ARHGAP22: variants seen among roughly 807,000 people sequenced by gnomAD.
ARHGAP22 encodes Rho GTPase activating protein 22, also known as rho GTPase-activating protein 22.
Under a neutral mutation model 59.1 loss-of-function variants are expected in ARHGAP22, and 48 were observed. The observed-to-expected ratio is 0.81, with a 90% CI of 0.64 to 1.03. The LOEUF is 1.03. Ranked by LOEUF, ARHGAP22 falls within the 50% of genes least tolerant of loss-of-function variation. The pLI is 0.00. For synonymous variants in ARHGAP22, 445 were observed against 416.4 expected (o/e 1.07, Z -0.84); for missense variants, 1,015 against 958.7 (o/e 1.06, Z -0.78).
chr10:48,441,184 T>G (rs2133457364), downstream of ARHGAP22, among the ~76,000 whole-genome samples: 1 of 152,292 alleles, frequency 6.6e-6, no homozygotes, highest in South Asian at 2.1e-4. Context: ...GAGGTCTGTG[T>G]TGTTTGCTTG....
intron 3 of ARHGAP22, among the ~76,000 whole-genome samples, chr10:48,549,988 T>C (rs2056773914): frequency 6.6e-6 from 1 of 152,180 alleles, no homozygotes; most frequent in Admixed American, 6.5e-5. Flanking sequence ...AAGCTTAACC[T>C]CCTGTTGCTT....
chr10:48,654,931 TTC>T (rs369000523), upstream of ARHGAP22, among the ~76,000 whole-genome samples: 742 of 127,314 alleles, frequency 5.8e-3, 2 homozygotes, highest in Admixed American at 0.015. Context: ...TTCTCTCTGT[TTC>T]TCTCTCTCTT....
intron 3 of ARHGAP22, among the ~76,000 whole-genome samples, chr10:48,495,994 T>A (rs777070791): frequency 3.9e-5 from 6 of 152,092 alleles, no homozygotes; most frequent in Non-Finnish European, 8.8e-5. Context: ...GGATCTCCCA[T>A]CAGTCAAGCC....
At chr10:48,576,108 G>A (rs1298913660) in intron 2 of ARHGAP22, among the ~76,000 whole-genome samples, 1 of 152,220 alleles carries the variant, frequency 6.6e-6, no homozygotes, top group Non-Finnish European at 1.5e-5. Context: ...TGCATTTTGT[G>A]TTCCTGCCTG....
At chr10:48,461,530 A>C (rs2047133375) in intron 4 of ARHGAP22, among the ~76,000 whole-genome samples, 1 of 152,240 alleles carries the variant, frequency 6.6e-6, no homozygotes, top group Non-Finnish European at 1.5e-5. Flanking sequence ...ACACCAAATG[A>C]GGAATAGAGG....
upstream of ARHGAP22, among the ~76,000 whole-genome samples, chr10:48,653,034 A>T (rs564194989): frequency 6.6e-6 from 1 of 152,364 alleles, no homozygotes; most frequent in East Asian, 1.9e-4. Flanking sequence ...AGCATCATTG[A>T]CATAGTGGTC....
At chr10:48,506,198 C>T (rs7087924) in intron 3 of ARHGAP22, among the ~76,000 whole-genome samples, 27 of 152,290 alleles carry the variant, frequency 1.8e-4, no homozygotes, top group African/African-American at 6.3e-4. Context: ...TCAGGCACCG[C>T]TTAGTGACAG....
chr10:48,571,740 T>G (rs932299110), intron 2 of ARHGAP22, among the ~76,000 whole-genome samples: 1 of 152,226 alleles, frequency 6.6e-6, no homozygotes, highest in Non-Finnish European at 1.5e-5. Context: ...CTATATAGCT[T>G]GGTCCAGAGT....
At chr10:48,586,703 A>T (rs967536099) in intron 1 of ARHGAP22, among the ~76,000 whole-genome samples, 2 of 152,224 alleles carry the variant, frequency 1.3e-5, no homozygotes, top group Non-Finnish European at 2.9e-5. Context: ...GTAGGTATAA[A>T]ATGGCACGTA....
intron 1 of ARHGAP22, among the ~76,000 whole-genome samples, chr10:48,587,383 A>G (rs1253602205): frequency 2.0e-5 from 3 of 152,200 alleles, no homozygotes; most frequent in Non-Finnish European, 4.4e-5. Context: ...CCCTTTGATT[A>G]CTGAGTTTTC....
chr10:48,536,580 C>T (rs141495324), intron 3 of ARHGAP22, among the ~76,000 whole-genome samples: 186 of 152,300 alleles, frequency 1.2e-3, no homozygotes, highest in African/African-American at 4.3e-3. Context: ...CTCAATCCAC[C>T]CAACAGACCT....
intron 4 of ARHGAP22, among the ~76,000 whole-genome samples, chr10:48,475,609 T>C (rs541207518): frequency 6.6e-6 from 1 of 152,170 alleles, no homozygotes; most frequent in Non-Finnish European, 1.5e-5. Flanking sequence ...CTCATACACC[T>C]CTCATCCATC....
chr10:48,461,725 G>A (rs934491944), intron 4 of ARHGAP22, among the ~76,000 whole-genome samples: 11 of 152,336 alleles, frequency 7.2e-5, no homozygotes, highest in African/African-American at 2.2e-4. Flanking sequence ...TACAAGGTGC[G>A]TGCCTGACTC....
intron 4 of ARHGAP22, 77 bp from the exon 5 acceptor site, chr10:48,459,968 C>A (rs149649013): frequency 5.6e-6 from 8 of 1,431,726 alleles, no homozygotes; most frequent in East Asian, 2.4e-5. Context: ...GGAGGGCAGG[C>A]GCACTGTTAG....
upstream of ARHGAP22, among the ~76,000 whole-genome samples, chr10:48,607,553 G>T (rs2060723660): frequency 6.6e-6 from 1 of 152,178 alleles, no homozygotes; most frequent in African/African-American, 2.4e-5. Context: ...CTCTGGGGTG[G>T]CCTGTGGGAG....
intron 3 of ARHGAP22, among the ~76,000 whole-genome samples, chr10:48,515,500 T>C (rs940544313): frequency 3.3e-5 from 5 of 152,098 alleles, no homozygotes; most frequent in African/African-American, 1.2e-4. Context: ...ATATCCTACT[T>C]TCAAAAATAA....
chr10:48,459,940 T>G (rs766742427), intron 4 of ARHGAP22, 49 bp from the exon 5 acceptor site: 8 of 1,570,564 alleles, frequency 5.1e-6, no homozygotes, highest in Middle Eastern at 2.2e-4. Context: ...CAGCTCAGTG[T>G]TGGGTGCTCA....
downstream of ARHGAP22, among the ~76,000 whole-genome samples, chr10:48,443,129 T>C (rs964479939): frequency 2.0e-5 from 3 of 152,138 alleles, no homozygotes; most frequent in African/African-American, 4.8e-5. Flanking sequence ...TTTCAGGACT[T>C]CTCAAAGACC....
intron 2 of ARHGAP22, among the ~76,000 whole-genome samples, chr10:48,561,348 A>C (rs1421190009): frequency 6.6e-6 from 1 of 152,154 alleles, no homozygotes; most frequent in Non-Finnish European, 1.5e-5. Flanking sequence ...CATATATAAA[A>C]ATATACTCAA....
Sources: gnomAD v4.1 joint callset for allele counts (sites outside exome capture counted in the v4.1 genomes callset) on GRCh38, gnomAD v4.1.1 for gene constraint, MANE v1.5 for transcripts, NCBI Gene and HGNC (gene_info 2026-07-23, HGNC 2026-07-21) for gene names.